Variants in TRIM71 observed in about 807,000 individuals in gnomAD.
The protein encoded by TRIM71 is tripartite motif containing 71, also known as E3 ubiquitin-protein ligase TRIM71.
In TRIM71, 9 loss-of-function variants were observed where a neutral mutation model predicts 61.2. That is an observed-to-expected ratio of 0.15 (90% CI 0.09 to 0.26). TRIM71 has a LOEUF of 0.26. TRIM71 is among the 10% of genes least tolerant of loss of function. The pLI, the probability that TRIM71 is intolerant of heterozygous loss-of-function variation, is 1.00. For missense variants in TRIM71, 998 were observed against 1,238.7 expected, an observed-to-expected ratio of 0.81 and a Z score of 2.92; for synonymous variants, 645 against 553.2, an observed-to-expected ratio of 1.17 and a Z score of -2.33.
intron 1 of TRIM71, among the ~76,000 whole-genome samples, chr3:32,855,436 G>T (rs1229910340): frequency 6.6e-6 from 1 of 152,134 alleles, no homozygotes; most frequent in Non-Finnish European, 1.5e-5. Flanking sequence ...GCCAAACGCT[G>T]TGGGCACAGT....
intron 1 of TRIM71, among the ~76,000 whole-genome samples, chr3:32,828,281 G>C (rs547067077): frequency 6.6e-6 from 1 of 152,234 alleles, no homozygotes; most frequent in Non-Finnish European, 1.5e-5. Flanking sequence ...AGAGTAGAAA[G>C]TTTAGGTAAC....
chr3:32,864,519 G>A (rs904869624), intron 1 of TRIM71, among the ~76,000 whole-genome samples: 3 of 152,200 alleles, frequency 2.0e-5, no homozygotes, highest in African/African-American at 7.2e-5. Context: ...AAGTCCAAAG[G>A]GCCTAGGGAG....
At position 32,873,955 on chromosome 3, in the gene TRIM71, A is replaced by C. The variant is rs528403763; in HGVS notation, c.990A>C (p.Ala330=). 3.0e-5 allele frequency: 48 copies of C among 1,613,046 alleles called. No homozygotes were observed. Among genetic ancestry groups the C allele is most frequent in the Admixed American group, 1.0e-4 (6 of 59,916 alleles). ...GGGCACTCACCATCCAGCTGCTGGC[A>C]GATGCCCAGCAGGGACGACAGGCAA... is the stretch of plus-strand genomic sequence containing the variant. ...DSRALTIQLL[A]DAQQGRQAIQ... The change falls in exon 2 of 4, where the codon GCA becomes GCC. Residue 330 remains alanine, a synonymous_variant. Coordinates refer to ENST00000383763, the MANE Select transcript of TRIM71 (RefSeq NM_001039111.3).
At chr3:32,887,578 C>T (rs1190659718) in intron 3 of TRIM71, among the ~76,000 whole-genome samples, 2 of 148,496 alleles carry the variant, frequency 1.3e-5, no homozygotes. Flanking sequence ...TTTTGTTTTC[C>T]TGCATCTCTG....
chr3:32,889,365 C>T (rs966453441), intron 3 of TRIM71, among the ~76,000 whole-genome samples: 1 of 152,108 alleles, frequency 6.6e-6, no homozygotes, highest in Non-Finnish European at 1.5e-5. Context: ...ACAGACTCAG[C>T]CTCCTAGGCT....
chr3:32,820,853 T>A (rs1696119101), intron 1 of TRIM71, among the ~76,000 whole-genome samples: 1 of 152,248 alleles, frequency 6.6e-6, no homozygotes, highest in Admixed American at 6.5e-5. Context: ...ATGTGCAATG[T>A]CAGGTTGAAG....
intron 1 of TRIM71, among the ~76,000 whole-genome samples, chr3:32,841,983 A>T (rs1696412302): frequency 6.6e-6 from 1 of 152,132 alleles, no homozygotes; most frequent in Non-Finnish European, 1.5e-5. Context: ...CCATACACCT[A>T]GGAACAACTC....
intron 1 of TRIM71, among the ~76,000 whole-genome samples, chr3:32,837,053 A>G (rs1696343150): frequency 6.6e-6 from 1 of 152,144 alleles, no homozygotes; most frequent in Non-Finnish European, 1.5e-5. Flanking sequence ...TACAAAAGAA[A>G]TAAGTAGTCA....
chr3:32,860,706 A>C (rs996076992), intron 1 of TRIM71, among the ~76,000 whole-genome samples: 1 of 152,106 alleles, frequency 6.6e-6, no homozygotes, highest in African/African-American at 2.4e-5. Context: ...TCCCCTGTGT[A>C]GGGGACAGAT....
Position 32,891,912 on chromosome 3 carries a change from A to C in TRIM71, c.*101A>C, listed in dbSNP as rs1697031075. 8 of 1,469,298 alleles carry C rather than the reference A, an allele frequency of 5.4e-6. No homozygotes were observed. Among genetic ancestry groups the C allele is most frequent in the Non-Finnish European group, 7.2e-6 (8 of 1,114,400 alleles). The allele number at this position is 1,469,298 out of a possible 1,614,324, so 91.0% of individuals were successfully genotyped here. On this transcript the variant is annotated 3_prime_UTR_variant, in exon 4 of 4. Coordinates refer to ENST00000383763, the MANE Select transcript of TRIM71 (RefSeq NM_001039111.3). The surrounding 1 kb of genome is among the most constrained non-coding windows in gnomAD (Gnocchi z 8.2). ...TCTTTTTGAATTTCAAAGAAGAAAC[A>C]GTCTCAGGGAAATTTCTTTTTTCTT...
intron 1 of TRIM71, among the ~76,000 whole-genome samples, chr3:32,831,540 T>C (rs1696270996): frequency 6.9e-6 from 1 of 145,426 alleles, no homozygotes; most frequent in African/African-American, 2.5e-5. Flanking sequence ...ATCTTCCTTT[T>C]TTTTTTTTTT....
intron 1 of TRIM71, among the ~76,000 whole-genome samples, chr3:32,868,877 A>G (rs1350980447): frequency 6.6e-6 from 1 of 152,100 alleles, no homozygotes; most frequent in South Asian, 2.1e-4. Flanking sequence ...CTGGGTCCCT[A>G]TTCCTTTCCT....
At chr3:32,819,173 T>G (rs1474046017) in intron 1 of TRIM71, among the ~76,000 whole-genome samples, 1 of 152,172 alleles carries the variant, frequency 6.6e-6, no homozygotes, top group Non-Finnish European at 1.5e-5. Flanking sequence ...GGTCCTCCCT[T>G]TTCTGATTTT....
At chr3:32,885,813 T>A (rs1696955505) in intron 2 of TRIM71, 121 bp from the exon 3 acceptor site, 1 of 1,375,730 alleles carries the variant, frequency 7.3e-7, no homozygotes, top group Non-Finnish European at 9.8e-7. Flanking sequence ...AGGGAGTGAA[T>A]CAAGTGGTCT....
rs1486258608 is a variant in TRIM71 at position 32,893,816 on chromosome 3, C to T, written c.*2005C>T. On this transcript the variant is annotated 3_prime_UTR_variant, in exon 4 of 4. Transcript: ENST00000383763. Reference sequence around the variant, plus strand: ...TACTACAAGCTACTCTGTCTCTTCCCATTGCTTTAATTCTAGGGTTTCTGA... The same window carrying T: ...TACTACAAGCTACTCTGTCTCTTCCTATTGCTTTAATTCTAGGGTTTCTGA... The T allele has an allele frequency of 1.3e-5, 2 of 151,990 alleles. No individual in the cohort carries two copies. Among genetic ancestry groups the T allele is most frequent in the Non-Finnish European group, 2.9e-5 (2 of 68,006 alleles). The allele number at this position is 151,990 out of a possible 1,614,324, so 9.4% of individuals were successfully genotyped here.
rs527874229 is a variant in TRIM71, at chr3:32,875,197, T to A, written c.1020+1212T>A. Among the ~76,000 whole-genome samples the A allele has an allele frequency of 2.0e-5, 3 of 152,214 alleles. No homozygotes were observed. The South Asian group carries it at 6.2e-4, about 31-fold the overall frequency. ...TGAGAAATTAGTGAGCAGAATGTTA[T>A]GTGAGGTTCGGTGTCTTCAGTCCTT... is the stretch of plus-strand genomic sequence containing the variant. On this transcript the variant is annotated intron_variant, in intron 2 of 3. Coordinates refer to ENST00000383763, the MANE Select transcript of TRIM71 (RefSeq NM_001039111.3).
intron 1 of TRIM71, among the ~76,000 whole-genome samples, chr3:32,822,222 C>A (rs2125673260): frequency 6.6e-6 from 1 of 152,186 alleles, no homozygotes; most frequent in East Asian, 1.9e-4. Flanking sequence ...ATTGTTGCCA[C>A]CTGGAAAACA....
chr3:32,823,572 C>G (rs935970405), intron 1 of TRIM71, among the ~76,000 whole-genome samples: 3 of 152,068 alleles, frequency 2.0e-5, no homozygotes, highest in Admixed American at 1.3e-4. Context: ...GGGAAAAAAA[C>G]GTTACTTTTT....
intron 1 of TRIM71, among the ~76,000 whole-genome samples, chr3:32,872,079 A>C (rs1696802412): frequency 6.6e-6 from 1 of 152,172 alleles, no homozygotes; most frequent in Non-Finnish European, 1.5e-5. Flanking sequence ...CTCGGGAGGC[A>C]GAGCTTGCAG....
Sources: allele counts gnomAD v4.1 joint callset (sites outside exome capture counted in the v4.1 genomes callset), GRCh38; gene constraint gnomAD v4.1.1; non-coding constraint Gnocchi (gnomAD v3.1); transcripts MANE v1.5; gene names NCBI Gene and HGNC (gene_info 2026-07-23, HGNC 2026-07-21).